Variants in ME1 observed in about 807,000 individuals in gnomAD.
ME1 encodes the protein NADP-dependent malic enzyme.
Under a neutral mutation model 66.4 loss-of-function variants are expected in ME1, and 74 were observed. The observed-to-expected ratio is 1.11, with a 90% CI of 0.92 to 1.35. The LOEUF (loss-of-function observed/expected upper bound fraction) is 1.35, where lower values mean the gene tolerates loss of function less well. Among genes scored for constraint, ME1 ranks in the 40% most tolerant of loss-of-function variants. The probability of loss-of-function intolerance (pLI) is 0.00; values close to 1 mark genes in which losing one functional copy is unlikely to be tolerated. For synonymous variants in ME1, 251 were observed against 235.6 expected, an observed-to-expected ratio of 1.07 and a Z score of -0.60; for missense variants, 750 against 694.1, an observed-to-expected ratio of 1.08 and a Z score of -0.90.
rs144791253 is a variant in ME1, at chr6:83,214,891, C to T, written c.1548+1607G>A. 3.7e-4 allele frequency among the ~76,000 whole-genome samples: 56 copies of T among 152,182 alleles called. No homozygotes were observed. The East Asian group carries it at 9.9e-3, about 27-fold the overall frequency. ...TCTGTGTATGCACTCTGTATTCTTC[C>T]ATTATTCTAGGTGTGATATCTGAAT... On this transcript the variant is annotated intron_variant, in intron 13 of 13. Transcript: ENST00000369705.
intron 1 of ME1, among the ~76,000 whole-genome samples, chr6:83,413,373 T>C (rs556827115): frequency 2.0e-4 from 30 of 152,324 alleles, no homozygotes; most frequent in African/African-American, 7.0e-4. Context: ...TCTAATATGA[T>C]TGTCTTTGAA....
chr6:83,308,868 C>T (rs1324273645), intron 6 of ME1, among the ~76,000 whole-genome samples: 1 of 151,640 alleles, frequency 6.6e-6, no homozygotes, highest in Non-Finnish European at 1.5e-5. Flanking sequence ...ATAGGTTGAT[C>T]AAAGAAGGCC....
intron 6 of ME1, among the ~76,000 whole-genome samples, chr6:83,266,995 A>T (rs574352004): frequency 2.0e-5 from 3 of 152,216 alleles, no homozygotes; most frequent in Non-Finnish European, 4.4e-5. Context: ...TAAATTTTCA[A>T]GAATGCAACT....
At chr6:83,263,615 C>G (rs1766935068) in intron 6 of ME1, among the ~76,000 whole-genome samples, 1 of 152,030 alleles carries the variant, frequency 6.6e-6, no homozygotes, top group South Asian at 2.1e-4. Context: ...TTTCCTTAAG[C>G]CAAAGCCTAA....
chr6:83,301,285 C>A (rs1246892960), intron 6 of ME1, among the ~76,000 whole-genome samples: 1 of 151,270 alleles, frequency 6.6e-6, no homozygotes, highest in Non-Finnish European at 1.5e-5. Context: ...CCCTCCGTCC[C>A]TCCCTCCTTT....
At chr6:83,217,188 G>A (rs1790009980) in intron 12 of ME1, among the ~76,000 whole-genome samples, 1 of 152,104 alleles carries the variant, frequency 6.6e-6, no homozygotes, top group Non-Finnish European at 1.5e-5. Context: ...GTTAAATTTT[G>A]TATTGAACCC....
At chr6:83,409,620 C>CT (rs1377910656) in intron 1 of ME1, among the ~76,000 whole-genome samples, 1 of 152,158 alleles carries the variant, frequency 6.6e-6, no homozygotes, top group Non-Finnish European at 1.5e-5. Flanking sequence ...AATTAGCCTC[C>CT]TGGGTTGAGG....
At chr6:83,417,648 G>A (rs1414664796) in intron 1 of ME1, among the ~76,000 whole-genome samples, 1 of 152,102 alleles carries the variant, frequency 6.6e-6, no homozygotes, top group Non-Finnish European at 1.5e-5. Context: ...CAAAGTACTG[G>A]GATTACAGGC....
intron 12 of ME1, among the ~76,000 whole-genome samples, 167 bp from the exon 13 acceptor site, chr6:83,216,763 C>T (rs955339762): frequency 6.6e-6 from 1 of 151,908 alleles, no homozygotes; most frequent in Non-Finnish European, 1.5e-5. Context: ...AGAAATAAGC[C>T]CAGAGTGGTG....
chr6:83,316,302 G>C (rs1768028504), intron 5 of ME1, among the ~76,000 whole-genome samples: 1 of 151,928 alleles, frequency 6.6e-6, no homozygotes, highest in Admixed American at 6.6e-5. Flanking sequence ...GTAAATTTTG[G>C]TATATATAAT....
chr6:83,276,286 C>G (rs1767182267), intron 6 of ME1, among the ~76,000 whole-genome samples: 1 of 152,148 alleles, frequency 6.6e-6, no homozygotes, highest in South Asian at 2.1e-4. Flanking sequence ...AGGCTGATTT[C>G]TTTGTTTCAA....
intron 8 of ME1, among the ~76,000 whole-genome samples, chr6:83,238,647 T>C (rs890754836): frequency 6.6e-6 from 1 of 152,014 alleles, no homozygotes; most frequent in African/African-American, 2.4e-5. Context: ...CACATATTTG[T>C]ATCGTGGCAT....
intron 13 of ME1, among the ~76,000 whole-genome samples, chr6:83,212,728 G>T (rs116069073): frequency 0.059 from 8,995 of 151,978 alleles, 755 homozygotes; most frequent in African/African-American, 0.19. Context: ...TTTTTTTCTA[G>T]TCTGCACATT....
chr6:83,384,969 G>A (rs1407774396), intron 3 of ME1, among the ~76,000 whole-genome samples: 1 of 151,840 alleles, frequency 6.6e-6, no homozygotes, highest in Non-Finnish European at 1.5e-5. Context: ...TAGTGATTAA[G>A]TTCTACATTC....
intron 1 of ME1, among the ~76,000 whole-genome samples, chr6:83,423,049 A>G (rs1770300593): frequency 6.6e-6 from 1 of 152,134 alleles, no homozygotes; most frequent in Non-Finnish European, 1.5e-5. Context: ...CTCCAAACCC[A>G]GAAACATTAT....
At chr6:83,289,953 G>C (rs958737290) in intron 6 of ME1, among the ~76,000 whole-genome samples, 6 of 152,142 alleles carry the variant, frequency 3.9e-5, no homozygotes, top group African/African-American at 1.4e-4. Context: ...ATGGTAGTTT[G>C]TATTTCTGTG....
chr6:83,314,347 A>G (rs935015426), intron 6 of ME1, among the ~76,000 whole-genome samples: 5 of 152,190 alleles, frequency 3.3e-5, no homozygotes, highest in African/African-American at 1.2e-4. Flanking sequence ...TACCCTGAAC[A>G]CATTATTTTT....
intron 3 of ME1, among the ~76,000 whole-genome samples, chr6:83,373,836 A>C (rs1176516580): frequency 6.6e-6 from 1 of 151,856 alleles, no homozygotes; most frequent in East Asian, 1.9e-4. Flanking sequence ...TTCAACTCCT[A>C]CTTATAAATG....
At chr6:83,327,420 G>C (rs1305525945) in intron 5 of ME1, among the ~76,000 whole-genome samples, 1 of 152,168 alleles carries the variant, frequency 6.6e-6, no homozygotes, top group Non-Finnish European at 1.5e-5. Flanking sequence ...ATATCCCTGA[G>C]AAAGAGAATG....
Sources: gnomAD v4.1 joint callset for allele counts (sites outside exome capture counted in the v4.1 genomes callset) on GRCh38, gnomAD v4.1.1 for gene constraint, MANE v1.5 for transcripts, NCBI Gene and HGNC (gene_info 2026-07-23, HGNC 2026-07-21) for gene names.